The following MITF variants were observed in gnomAD, a reference collection of about 807,000 sequenced individuals.
MITF encodes microphthalmia-associated transcription factor.
In MITF, 17 loss-of-function variants were observed where a neutral mutation model predicts 60.5. The ratio of observed to expected loss-of-function variants is 0.28; its 90% confidence interval spans 0.19 to 0.42. The LOEUF is 0.42. MITF is among the 10% of genes least tolerant of loss of function. MITF has a pLI of 1.00. For missense variants in MITF, 622 were observed against 683.5 expected, an observed-to-expected ratio of 0.91 and a Z score of 1.00; for synonymous variants, 260 against 248.5, an observed-to-expected ratio of 1.05 and a Z score of -0.43.
intron 1 of MITF, among the ~76,000 whole-genome samples, chr3:69,838,359 A>T (rs1447698168): frequency 1.3e-5 from 2 of 152,016 alleles, no homozygotes; most frequent in African/African-American, 2.4e-5. Flanking sequence ...TGCTAAAAAA[A>T]AAAAAAATAG....
At chr3:69,952,268 T>G (rs1023206281) in intron 7 of MITF, among the ~76,000 whole-genome samples, 5 of 151,942 alleles carry the variant, frequency 3.3e-5, no homozygotes, top group African/African-American at 1.2e-4. Context: ...CCAATGAGAT[T>G]TGAAAGAAAA....
At chr3:69,912,783 A>G (rs758179185) in intron 2 of MITF, among the ~76,000 whole-genome samples, 1 of 152,196 alleles carries the variant, frequency 6.6e-6, no homozygotes, top group African/African-American at 2.4e-5. Flanking sequence ...TTTGGGCTGC[A>G]TCTCTCAACA....
intron 1 of MITF, among the ~76,000 whole-genome samples, chr3:69,822,214 T>C (rs2063287112): frequency 6.6e-6 from 1 of 152,222 alleles, no homozygotes; most frequent in Non-Finnish European, 1.5e-5. Context: ...TTGAATGTTT[T>C]TCCCCCCAGC....
At chr3:69,946,144 T>C (rs2066089763) in intron 5 of MITF, among the ~76,000 whole-genome samples, 1 of 152,164 alleles carries the variant, frequency 6.6e-6, no homozygotes, top group Admixed American at 6.5e-5. Flanking sequence ...ACCTACTTTA[T>C]CTCTATTAAA....
At chr3:69,857,388 T>G (rs1387540909) in intron 1 of MITF, among the ~76,000 whole-genome samples, 1 of 152,126 alleles carries the variant, frequency 6.6e-6, no homozygotes, top group Non-Finnish European at 1.5e-5. Flanking sequence ...AAAAAAGATT[T>G]GTTTAATAAT....
At chr3:69,799,778 G>T (rs1297210210) in intron 1 of MITF, among the ~76,000 whole-genome samples, 4 of 151,992 alleles carry the variant, frequency 2.6e-5, no homozygotes. Flanking sequence ...TTCCAGCATT[G>T]GTTTCTCATT....
chr3:69,767,761 G>A (rs1051952765), intron 1 of MITF, among the ~76,000 whole-genome samples: 3 of 152,136 alleles, frequency 2.0e-5, no homozygotes, highest in African/African-American at 4.8e-5. Flanking sequence ...TCATACAGAG[G>A]AATAGTGCTC....
intron 9 of MITF, among the ~76,000 whole-genome samples, chr3:69,962,167 G>A (rs369104151): frequency 6.6e-5 from 10 of 152,220 alleles, no homozygotes; most frequent in South Asian, 2.1e-4. Context: ...ATCTGCCTGT[G>A]TGGAGGTACT....
intron 1 of MITF, among the ~76,000 whole-genome samples, chr3:69,866,852 CTG>C (rs2064126247): frequency 7.0e-6 from 1 of 142,030 alleles, no homozygotes; most frequent in Non-Finnish European, 1.5e-5. Flanking sequence ...TTTTTCCTGA[CTG>C]TGGAATGGTA....
intron 2 of MITF, among the ~76,000 whole-genome samples, chr3:69,886,111 T>C: frequency 6.6e-6 from 1 of 152,134 alleles, no homozygotes; most frequent in Non-Finnish European, 1.5e-5. Context: ...ATACCTCTCC[T>C]GGAGGGAATG....
intron 1 of MITF, among the ~76,000 whole-genome samples, chr3:69,741,373 A>T (rs930301149): frequency 2.6e-5 from 4 of 152,192 alleles, no homozygotes; most frequent in African/African-American, 4.8e-5. Flanking sequence ...CCTGAAAGAA[A>T]TAAATTAACC....
At chr3:69,778,210 A>G (rs996791929) in intron 1 of MITF, among the ~76,000 whole-genome samples, 1 of 152,160 alleles carries the variant, frequency 6.6e-6, no homozygotes, top group African/African-American at 2.4e-5. Context: ...GGTGCTGTTC[A>G]TGGAGATGAG....
intron 1 of MITF, among the ~76,000 whole-genome samples, chr3:69,764,111 A>G (rs2106812362): frequency 6.6e-6 from 1 of 152,286 alleles, no homozygotes; most frequent in East Asian, 1.9e-4. Context: ...TTCAGTGAAC[A>G]TTTTTTCAGA....
chr3:69,775,371 G>A (rs1003380743), intron 1 of MITF, among the ~76,000 whole-genome samples: 1 of 152,162 alleles, frequency 6.6e-6, no homozygotes, highest in Admixed American at 6.5e-5. Context: ...GTCTCTGCCT[G>A]TCTCAGCTGA....
intron 1 of MITF, among the ~76,000 whole-genome samples, chr3:69,824,751 AC>A (rs2107066091): frequency 6.6e-6 from 1 of 152,220 alleles, no homozygotes; most frequent in East Asian, 1.9e-4. Context: ...CCACAGCCGC[AC>A]CTGGTAGCCA....
chr3:69,824,203 G>A (rs528441026), intron 1 of MITF, among the ~76,000 whole-genome samples: 1 of 152,280 alleles, frequency 6.6e-6, no homozygotes, highest in East Asian at 1.9e-4. Flanking sequence ...GGAAACAAGA[G>A]CCCTGCACTT....
At chr3:69,773,392 G>A (rs2062423114) in intron 1 of MITF, among the ~76,000 whole-genome samples, 1 of 152,204 alleles carries the variant, frequency 6.6e-6, no homozygotes, top group Non-Finnish European at 1.5e-5. Flanking sequence ...GGAGTAGCAT[G>A]ATCTGATTAA....
At chr3:69,963,338 G>C (rs1006657135) in intron 9 of MITF, among the ~76,000 whole-genome samples, 1 of 152,080 alleles carries the variant, frequency 6.6e-6, no homozygotes, top group African/African-American at 2.4e-5. Context: ...TTAGTTACTG[G>C]CATAGAACTT....
chr3:69,741,334 G>C (rs370224793), intron 1 of MITF, among the ~76,000 whole-genome samples: 13 of 152,194 alleles, frequency 8.5e-5, no homozygotes, highest in Admixed American at 6.5e-4. Context: ...TACACGGCCA[G>C]AATGAGGGAA....
Sources: gnomAD v4.1 joint callset for allele counts (sites outside exome capture counted in the v4.1 genomes callset) on GRCh38, gnomAD v4.1.1 for gene constraint, MANE v1.5 for transcripts, NCBI Gene and HGNC (gene_info 2026-07-23, HGNC 2026-07-21) for gene names.